The following LINGO2 variants were observed in gnomAD, a reference collection of about 807,000 sequenced individuals.
The protein encoded by LINGO2 is leucine rich repeat and Ig domain containing 2, also known as leucine-rich repeat and immunoglobulin-like domain-containing nogo receptor-interacting protein 2.
A neutral mutation model predicts 30.6 loss-of-function variants in LINGO2; 14 were observed. That is an observed-to-expected ratio of 0.46 (90% CI 0.30 to 0.72). LINGO2 has a LOEUF of 0.72. Ranked by LOEUF, LINGO2 falls within the 30% of genes least tolerant of loss-of-function variation. The pLI is 0.07. For synonymous variants in LINGO2, 317 were observed against 288.5 expected (o/e 1.10, Z -1.00); for missense variants, 729 against 751.7 (o/e 0.97, Z 0.35).
chr9:28,745,148 C>T, the LINGO2 span, among the ~76,000 whole-genome samples: 1 of 152,050 alleles, frequency 6.6e-6, no homozygotes, highest in African/African-American at 2.4e-5. Flanking sequence ...TAGCATTGGG[C>T]ATCAACACGG....
intron 4 of LINGO2, among the ~76,000 whole-genome samples, chr9:28,092,799 A>G (rs1207884337): frequency 6.6e-6 from 1 of 152,072 alleles, no homozygotes; most frequent in Admixed American, 6.6e-5. Context: ...TACTTGTATG[A>G]TCAATAATAA....
intron 2 of LINGO2, among the ~76,000 whole-genome samples, chr9:28,456,761 T>A (rs1824866672): frequency 6.6e-6 from 1 of 152,140 alleles, no homozygotes; most frequent in Non-Finnish European, 1.5e-5. Flanking sequence ...GTTCAAGAAG[T>A]TCTTGTAAAA....
the LINGO2 span, among the ~76,000 whole-genome samples, chr9:29,076,176 T>C: frequency 1.3e-5 from 2 of 151,884 alleles, no homozygotes; most frequent in East Asian, 3.9e-4. Context: ...CTAAACCCAA[T>C]CAAAAAACAT....
chr9:28,929,858 G>T, the LINGO2 span, among the ~76,000 whole-genome samples: 2 of 152,144 alleles, frequency 1.3e-5, no homozygotes, highest in Non-Finnish European at 2.9e-5. Flanking sequence ...ACCTAAAACA[G>T]AAAGTCATCT....
intron 1 of LINGO2, among the ~76,000 whole-genome samples, chr9:28,508,203 C>T (rs1201144700): frequency 3.9e-5 from 6 of 152,100 alleles, no homozygotes; most frequent in Admixed American, 2.6e-4. Context: ...CTGCTTTGTA[C>T]ATTTGTTAAA....
At chr9:29,081,840 C>A in the LINGO2 span, among the ~76,000 whole-genome samples, 28,342 of 149,250 alleles carry the variant, frequency 0.19, 2,828 homozygotes, top group African/African-American at 0.23. Context: ...TGCTTCAAAG[C>A]AAATAAAATA....
the LINGO2 span, among the ~76,000 whole-genome samples, chr9:29,079,118 T>A: frequency 1.3e-5 from 2 of 150,160 alleles, no homozygotes; most frequent in Non-Finnish European, 3.0e-5. Context: ...AATTTGGGTA[T>A]AGACAGAGGA....
At chr9:28,364,057 T>G (rs1302281614) in intron 3 of LINGO2, among the ~76,000 whole-genome samples, 1 of 152,108 alleles carries the variant, frequency 6.6e-6, no homozygotes, top group Non-Finnish European at 1.5e-5. Flanking sequence ...GTCATGTGAG[T>G]TACCAGGAGA....
At chr9:27,971,309 CAA>C (rs751404144) in intron 5 of LINGO2, among the ~76,000 whole-genome samples, 1 of 151,914 alleles carries the variant, frequency 6.6e-6, no homozygotes, top group East Asian at 1.9e-4. Context: ...CCCTCTCACC[CAA>C]AGTCTTAAGG....
chr9:28,396,697 C>T (rs1325635119), intron 2 of LINGO2, among the ~76,000 whole-genome samples: 1 of 4,512 alleles, frequency 2.2e-4, no homozygotes, highest in Non-Finnish European at 5.2e-4. Flanking sequence ...GAGCGAGACT[C>T]CATCTCAAAA....
chr9:28,065,941 C>T (rs1825300818), intron 4 of LINGO2, among the ~76,000 whole-genome samples: 1 of 152,056 alleles, frequency 6.6e-6, no homozygotes, highest in African/African-American at 2.4e-5. Flanking sequence ...TGTCTGGACA[C>T]ACATACACAC....
the LINGO2 span, among the ~76,000 whole-genome samples, chr9:29,139,320 G>T: frequency 3.3e-5 from 5 of 152,074 alleles, no homozygotes; most frequent in African/African-American, 1.2e-4. Flanking sequence ...GCATGCCCAG[G>T]TTCCTGGCCT....
chr9:28,003,095 T>C (rs2119160247), intron 5 of LINGO2, among the ~76,000 whole-genome samples: 1 of 152,268 alleles, frequency 6.6e-6, no homozygotes, highest in African/African-American at 2.4e-5. Flanking sequence ...GTATATATGA[T>C]AATCACACAA....
intron 5 of LINGO2, among the ~76,000 whole-genome samples, chr9:27,971,063 A>T (rs1820327784): frequency 6.6e-6 from 1 of 152,000 alleles, no homozygotes; most frequent in Admixed American, 6.6e-5. Flanking sequence ...AGCCCCTAGC[A>T]AATGGTGGTT....
At chr9:27,977,634 C>A (rs1393327893) in intron 5 of LINGO2, among the ~76,000 whole-genome samples, 2 of 151,642 alleles carry the variant, frequency 1.3e-5, no homozygotes, top group African/African-American at 4.8e-5. Flanking sequence ...ACAGCAGCAC[C>A]ATCACTATAC....
chr9:28,209,390 C>CT (rs1287092388), intron 4 of LINGO2, among the ~76,000 whole-genome samples: 1 of 151,910 alleles, frequency 6.6e-6, no homozygotes, highest in Non-Finnish European at 1.5e-5. Context: ...TAGCTCTTAG[C>CT]TTTAATTTCC....
chr9:28,820,107 G>A, the LINGO2 span, among the ~76,000 whole-genome samples: 4 of 152,064 alleles, frequency 2.6e-5, no homozygotes, highest in East Asian at 3.9e-4. Context: ...TCTAAGAACA[G>A]GTAAGACTAA....
chr9:28,398,249 T>C (rs964787475), intron 2 of LINGO2, among the ~76,000 whole-genome samples: 2 of 152,178 alleles, frequency 1.3e-5, no homozygotes, highest in Non-Finnish European at 2.9e-5. Context: ...TACCTGACAC[T>C]GTACCTGAAT....
chr9:28,089,867 A>G (rs1826025032), intron 4 of LINGO2, among the ~76,000 whole-genome samples: 1 of 152,214 alleles, frequency 6.6e-6, no homozygotes, highest in Non-Finnish European at 1.5e-5. Flanking sequence ...TGCAATAAAA[A>G]ATGATAAAGG....
Sources: gnomAD v4.1 joint callset for allele counts (sites outside exome capture counted in the v4.1 genomes callset) on GRCh38, gnomAD v4.1.1 for gene constraint, MANE v1.5 for transcripts, NCBI Gene and HGNC (gene_info 2026-07-23, HGNC 2026-07-21) for gene names.